Variants in CCDC3 observed in about 807,000 individuals in gnomAD.
CCDC3 encodes coiled-coil domain-containing protein 3.
A neutral mutation model predicts 21.4 loss-of-function variants in CCDC3; 24 were observed. The observed-to-expected ratio is 1.12, with a 90% CI of 0.81 to 1.58. CCDC3 has a LOEUF of 1.58. Among genes scored for constraint, CCDC3 ranks in the 40% most tolerant of loss-of-function variants. The probability of loss-of-function intolerance (pLI) is 0.00; values close to 1 mark genes in which losing one functional copy is unlikely to be tolerated. For missense variants in CCDC3, 425 were observed against 360.9 expected (o/e 1.18, Z -1.44); for synonymous variants, 186 against 166.0 (o/e 1.12, Z -0.93).
At chr10:12,962,679 T>A (rs1835198338) in intron 2 of CCDC3, among the ~76,000 whole-genome samples, 1 of 152,174 alleles carries the variant, frequency 6.6e-6, no homozygotes, top group Non-Finnish European at 1.5e-5. Flanking sequence ...ACATTTAAAA[T>A]GACACATCAA....
At position 12,897,600 on chromosome 10, in the gene CCDC3, C is replaced by T. The variant is rs1393039666; in HGVS notation, c.*816G>A. On this transcript the variant is annotated 3_prime_UTR_variant, in exon 3 of 3. Coordinates refer to ENST00000378825, the MANE Select transcript of CCDC3 (RefSeq NM_031455.4). ...AGTTCAGAGACATTAGAAACAATTA[C>T]TCAGCAAACAAGAAGTTAGACTATA... 5 of 152,152 alleles carry T rather than the reference C, an allele frequency of 3.3e-5. No homozygotes were observed. The highest frequency in any genetic ancestry group is 4.8e-5 in the African/African-American group (2 of 41,432). 9.4% of individuals were successfully genotyped at this position (152,152 alleles called of 1,614,324 possible).
chr10:12,941,173 G>C (rs11258071), intron 2 of CCDC3, among the ~76,000 whole-genome samples: 41,228 of 152,094 alleles, frequency 0.27, 5,889 homozygotes, highest in South Asian at 0.45. Flanking sequence ...GGTGACGAGA[G>C]TGTCCTCTGG....
At chr10:13,037,257 A>G (rs2131415577) in intron 5 of CCDC3, among the ~76,000 whole-genome samples, 1 of 152,324 alleles carries the variant, frequency 6.6e-6, no homozygotes, top group South Asian at 2.1e-4. Context: ...CTCACTTTTT[A>G]AAAGTCAAAA....
intron 4 of CCDC3, among the ~76,000 whole-genome samples, chr10:13,062,906 T>C (rs1453088409): frequency 3.9e-5 from 6 of 151,938 alleles, no homozygotes; most frequent in Non-Finnish European, 4.4e-5. Context: ...AACTTGCTCA[T>C]CTGCTCTTAT....
chr10:12,949,475 C>T (rs1387336192), intron 2 of CCDC3, among the ~76,000 whole-genome samples: 3 of 152,160 alleles, frequency 2.0e-5, no homozygotes, highest in Non-Finnish European at 2.9e-5. Flanking sequence ...TGGAGCCACC[C>T]GATGGAGGGA....
chr10:13,067,391 GTT>G (rs34693791), intron 4 of CCDC3, among the ~76,000 whole-genome samples: 1 of 150,742 alleles, frequency 6.6e-6, no homozygotes, highest in African/African-American at 2.4e-5. Flanking sequence ...TAAGTGAGAG[GTT>G]TTTTTTTTCC....
intron 2 of CCDC3, among the ~76,000 whole-genome samples, chr10:12,931,687 C>T (rs1005474969): frequency 1.3e-5 from 2 of 152,176 alleles, no homozygotes; most frequent in African/African-American, 4.8e-5. Context: ...TTTGTCTGAC[C>T]AAACCTCTCT....
chr10:12,930,566 A>G (rs1301958066), intron 2 of CCDC3, among the ~76,000 whole-genome samples: 1 of 152,258 alleles, frequency 6.6e-6, no homozygotes, highest in Non-Finnish European at 1.5e-5. Context: ...GCTAGCAAAT[A>G]GTGGCTGCTT....
intron 5 of CCDC3, among the ~76,000 whole-genome samples, chr10:13,023,652 C>T (rs1306566633): frequency 6.6e-6 from 1 of 152,138 alleles, no homozygotes; most frequent in African/African-American, 2.4e-5. Flanking sequence ...AAATAAGATT[C>T]ATTCAGGGCC....
At chr10:12,961,847 C>A (rs550523120) in intron 2 of CCDC3, among the ~76,000 whole-genome samples, 12 of 152,230 alleles carry the variant, frequency 7.9e-5, no homozygotes, top group African/African-American at 2.4e-4. Flanking sequence ...GCAGGCTGAA[C>A]TTAAAATATT....
intron 5 of CCDC3, among the ~76,000 whole-genome samples, chr10:13,045,925 G>C (rs2782288): frequency 0.53 from 80,817 of 151,294 alleles, 22,654 homozygotes; most frequent in Non-Finnish European, 0.61. Flanking sequence ...CCCATCTCTA[G>C]GAAAAATACA....
At chr10:13,090,093 T>TTC (rs1832547020) in intron 3 of CCDC3, among the ~76,000 whole-genome samples, 1 of 120,508 alleles carries the variant, frequency 8.3e-6, no homozygotes, top group East Asian at 2.4e-4. Context: ...GTTTCTTTCT[T>TTC]TTTTTTTTTT....
At chr10:12,925,476 G>A (rs892367058) in intron 2 of CCDC3, among the ~76,000 whole-genome samples, 10 of 152,150 alleles carry the variant, frequency 6.6e-5, no homozygotes, top group East Asian at 1.9e-4. Flanking sequence ...CAAACTCTCC[G>A]CAACTCCCCA....
intron 4 of CCDC3, among the ~76,000 whole-genome samples, chr10:13,071,388 A>C (rs1015487491): frequency 6.6e-6 from 1 of 152,196 alleles, no homozygotes; most frequent in Non-Finnish European, 1.5e-5. Context: ...GAATCCAGAG[A>C]CAGATGATAA....
chr10:13,066,367 C>G (rs972542639), intron 4 of CCDC3, among the ~76,000 whole-genome samples: 4 of 152,166 alleles, frequency 2.6e-5, no homozygotes, highest in African/African-American at 9.6e-5. Flanking sequence ...CACTGGTTTA[C>G]CAGGGTATGT....
chr10:13,073,594 C>T (rs542124386), intron 4 of CCDC3, among the ~76,000 whole-genome samples: 39 of 151,258 alleles, frequency 2.6e-4, no homozygotes, highest in Admixed American at 1.5e-3. Flanking sequence ...AATCCTCCCA[C>T]CTCAGCCTCC....
intron 5 of CCDC3, among the ~76,000 whole-genome samples, chr10:13,015,785 A>G (rs1564321016): frequency 6.6e-6 from 1 of 152,008 alleles, no homozygotes; most frequent in Non-Finnish European, 1.5e-5. Flanking sequence ...TGTGCCTATC[A>G]TTGCTCTTCA....
intron 5 of CCDC3, among the ~76,000 whole-genome samples, chr10:13,031,557 G>C (rs1039737281): frequency 3.3e-5 from 5 of 152,096 alleles, no homozygotes; most frequent in Non-Finnish European, 5.9e-5. Flanking sequence ...AAATACAGGA[G>C]CTGGTTTTTT....
chr10:13,095,118 C>G (rs139155847), intron 3 of CCDC3, among the ~76,000 whole-genome samples: 1 of 137,214 alleles, frequency 7.3e-6, no homozygotes, highest in East Asian at 2.2e-4. Context: ...GGCATAGACA[C>G]GCACCTGTTT....
Sources: allele counts gnomAD v4.1 joint callset (sites outside exome capture counted in the v4.1 genomes callset), GRCh38; gene constraint gnomAD v4.1.1; transcripts MANE v1.5; gene names NCBI Gene and HGNC (gene_info 2026-07-23, HGNC 2026-07-21).